Variants in MLLT10 observed in about 807,000 individuals in gnomAD.
MLLT10 encodes the protein MLLT10 histone lysine methyltransferase DOT1L cofactor.
A neutral mutation model predicts 129.1 loss-of-function variants in MLLT10; 30 were observed. The ratio of observed to expected loss-of-function variants is 0.23; its 90% CI spans 0.17 to 0.32. The LOEUF (loss-of-function observed/expected upper bound fraction) is 0.32. MLLT10 is among the 10% of genes least tolerant of loss of function. The pLI is 1.00. For synonymous variants in MLLT10, 490 were observed against 446.4 expected, an observed-to-expected ratio of 1.10 and a Z score of -1.23; for missense variants, 1,119 against 1,268.3, an observed-to-expected ratio of 0.88 and a Z score of 1.79.
chr10:21,717,749 TTCCTCCTCCTCC>T (rs1173240690), intron 14 of MLLT10, among the ~76,000 whole-genome samples: 4 of 75,752 alleles, frequency 5.3e-5, no homozygotes, highest in Non-Finnish European at 5.3e-5. Flanking sequence ...CCTCCTCCTC[TTCCTCCTCCTCC>T]TCCTCCGCTG....
intron 8 of MLLT10, among the ~76,000 whole-genome samples, chr10:21,634,235 A>C (rs180923409): frequency 9.2e-5 from 14 of 152,310 alleles, no homozygotes; most frequent in Admixed American, 8.5e-4. Context: ...AGTCTCAAAA[A>C]ATAAAACAGT....
rs1217518551 is a variant in MLLT10 at position 21,742,917 on chromosome 10, G to A, written c.*934G>A. The stretch of plus-strand genomic sequence containing the variant: ...AGAACTTTCTGTGCCACTGTAGATA[G>A]CTCAGGCAAAACTATTACCTGGGTA... On this transcript the variant is annotated 3_prime_UTR_variant, in exon 23 of 23. Transcript: ENST00000307729. 4.4e-6 allele frequency: 1 copy of A among 228,652 alleles called. No homozygotes were observed. Among genetic ancestry groups the A allele is most frequent in the Non-Finnish European group, 8.7e-6 (1 of 115,324 alleles). 14.2% of individuals were successfully genotyped at this position (228,652 alleles called of 1,614,324 possible).
At chr10:21,651,146 A>G (rs2048994229) in intron 8 of MLLT10, among the ~76,000 whole-genome samples, 1 of 152,170 alleles carries the variant, frequency 6.6e-6, no homozygotes, top group African/African-American at 2.4e-5. Flanking sequence ...ATCTTGGCTC[A>G]CCACAACCTC....
At chr10:21,704,329 T>TTCTCTCTCTCTC (rs1198146694) in intron 13 of MLLT10, among the ~76,000 whole-genome samples, 14 of 121,098 alleles carry the variant, frequency 1.2e-4, no homozygotes, top group Non-Finnish European at 2.0e-4. Flanking sequence ...TCTTTTTAAA[T>TTCTCTCTCTCTC]TCTCTCTCTC....
At chr10:21,688,837 T>G (rs945208773) in intron 13 of MLLT10, among the ~76,000 whole-genome samples, 1 of 152,156 alleles carries the variant, frequency 6.6e-6, no homozygotes, top group Non-Finnish European at 1.5e-5. Flanking sequence ...AAGACCACTT[T>G]GTACACCTGT....
intron 21 of MLLT10, among the ~76,000 whole-genome samples, chr10:21,738,101 C>T (rs2058525522): frequency 6.6e-6 from 1 of 151,922 alleles, no homozygotes; most frequent in Non-Finnish European, 1.5e-5. Context: ...AACCCCGTCT[C>T]TACTAAAAAT....
chr10:21,642,266 T>C (rs2048081082), intron 8 of MLLT10, among the ~76,000 whole-genome samples: 1 of 152,162 alleles, frequency 6.6e-6, no homozygotes, highest in South Asian at 2.1e-4. Flanking sequence ...GGCAGAAGAA[T>C]GGCTTGAACC....
intron 14 of MLLT10, among the ~76,000 whole-genome samples, chr10:21,725,787 G>A (rs1305179405): frequency 1.5e-5 from 2 of 129,054 alleles, no homozygotes; most frequent in African/African-American, 6.0e-5. Flanking sequence ...GTCTCGCTCT[G>A]TCGCCCAGGC....
chr10:21,619,261 G>C (rs1484025907), intron 8 of MLLT10, among the ~76,000 whole-genome samples: 1 of 152,138 alleles, frequency 6.6e-6, no homozygotes, highest in Non-Finnish European at 1.5e-5. Context: ...AGCTTTTTAA[G>C]TCATCAACTA....
intron 8 of MLLT10, among the ~76,000 whole-genome samples, chr10:21,643,253 G>C (rs750110311): frequency 4.6e-5 from 7 of 152,094 alleles, no homozygotes; most frequent in Non-Finnish European, 1.0e-4. Flanking sequence ...GGCTGGTCTC[G>C]AACTCCTGAC....
chr10:21,554,442 C>T (rs1342093968), intron 3 of MLLT10, among the ~76,000 whole-genome samples: 1 of 151,668 alleles, frequency 6.6e-6, no homozygotes, highest in Non-Finnish European at 1.5e-5. Context: ...ACTCCTGGCC[C>T]TCCTTCACTT....
At chr10:21,623,318 C>G (rs1173608638) in intron 8 of MLLT10, among the ~76,000 whole-genome samples, 1 of 152,194 alleles carries the variant, frequency 6.6e-6, no homozygotes, top group African/African-American at 2.4e-5. Flanking sequence ...TGATCAGCGT[C>G]TATCCTCCAA....
intron 22 of MLLT10, among the ~76,000 whole-genome samples, chr10:21,741,436 G>T (rs559795560): frequency 6.6e-6 from 1 of 152,322 alleles, no homozygotes; most frequent in African/African-American, 2.4e-5. Flanking sequence ...GGGAGGTGCT[G>T]TTTGCTTAGT....
chr10:21,695,177 C>G (rs1415005160), intron 13 of MLLT10, among the ~76,000 whole-genome samples: 6 of 148,614 alleles, frequency 4.0e-5, no homozygotes, highest in African/African-American at 7.5e-5. Flanking sequence ...TCAAGCGATT[C>G]TCGTGCTTCA....
chr10:21,735,086 A>C, intron 20 of MLLT10, 53 bp from the exon 21 acceptor site: 2 of 1,307,586 alleles, frequency 1.5e-6, no homozygotes, highest in Non-Finnish European at 2.2e-6. Flanking sequence ...TTAGACTTCT[A>C]AAAATGCATT....
chr10:21,742,831 T>TC lies in MLLT10; in HGVS notation c.*850dup, dbSNP rs940432724. 4 of 228,092 alleles carry TC rather than the reference T, an allele frequency of 1.8e-5. No homozygotes were observed. The highest frequency in any genetic ancestry group is 8.9e-5 in the African/African-American group (4 of 45,042). The allele number at this position is 228,092 out of a possible 1,614,324, so 14.1% of individuals were successfully genotyped here. On this transcript the variant is annotated 3_prime_UTR_variant, in exon 23 of 23. Coordinates refer to ENST00000307729, the MANE Select transcript of MLLT10 (RefSeq NM_001195626.3). The stretch of plus-strand genomic sequence containing the variant: ...GTAGACAGCAGGGTGGGACAGTCAG[T>TC]CCTCCGAGCAGCAGGAATCATCCCG...
intron 3 of MLLT10, among the ~76,000 whole-genome samples, chr10:21,562,076 G>T (rs1260531232): frequency 1.3e-5 from 2 of 152,158 alleles, no homozygotes; most frequent in Admixed American, 1.3e-4. Flanking sequence ...AAAGTGCTGG[G>T]ATTACAGGCG....
chr10:21,707,490 CA>C (rs1252382541), intron 13 of MLLT10, among the ~76,000 whole-genome samples: 1 of 152,168 alleles, frequency 6.6e-6, no homozygotes, highest in African/African-American at 2.4e-5. Flanking sequence ...TGCGCCCGGC[CA>C]AGTTTAGATG....
chr10:21,679,087 T>C (rs1196009500), intron 11 of MLLT10, among the ~76,000 whole-genome samples: 1 of 152,208 alleles, frequency 6.6e-6, no homozygotes, highest in Admixed American at 6.5e-5. Context: ...AAAACACCTA[T>C]AAAATGTTTG....
Sources: allele counts gnomAD v4.1 joint callset (sites outside exome capture counted in the v4.1 genomes callset), GRCh38; gene constraint gnomAD v4.1.1; transcripts MANE v1.5; gene names NCBI Gene and HGNC (gene_info 2026-07-23, HGNC 2026-07-21).